Variants in SEMA6D observed in about 807,000 individuals in gnomAD.
The protein encoded by SEMA6D is semaphorin-6D.
SEMA6D carries 35 observed loss-of-function variants against 106.6 expected under a neutral mutation model. The observed-to-expected ratio is 0.33, with a 90% confidence interval of 0.25 to 0.44. SEMA6D has a LOEUF of 0.44. Ranked by LOEUF, SEMA6D falls within the 20% of genes least tolerant of loss-of-function variation. The probability of loss-of-function intolerance (pLI) is 1.00; values close to 1 mark genes in which losing one functional copy is unlikely to be tolerated. For synonymous variants in SEMA6D, 499 were observed against 487.7 expected (o/e 1.02, Z -0.31); for missense variants, 1,185 against 1,345.9 (o/e 0.88, Z 1.87).
chr15:47,513,375 T>G (rs554549751), intron 3 of SEMA6D, among the ~76,000 whole-genome samples: 2 of 152,182 alleles, frequency 1.3e-5, no homozygotes, highest in East Asian at 1.9e-4. Flanking sequence ...CATGCAATCT[T>G]ACAGTACTAA....
chr15:47,616,326 C>T (rs924912827), intron 4 of SEMA6D, among the ~76,000 whole-genome samples: 4 of 151,932 alleles, frequency 2.6e-5, no homozygotes, highest in Non-Finnish European at 5.9e-5. Context: ...CGTGCCACCA[C>T]GCCTGGCTAA....
At chr15:47,425,765 G>A (rs1282482544) in intron 2 of SEMA6D, among the ~76,000 whole-genome samples, 1 of 151,192 alleles carries the variant, frequency 6.6e-6, no homozygotes, top group Non-Finnish European at 1.5e-5. Context: ...CCGCCTCCCA[G>A]GTTCAAGCGA....
rs190863095 is a variant in SEMA6D at position 47,314,832 on chromosome 15, C to G, written c.-238-97561C>G. Among the ~76,000 whole-genome samples the G allele has an allele frequency of 6.1e-3, 881 of 144,006 alleles. 4 individuals are homozygous for G. The highest frequency in any genetic ancestry group is 9.1e-3 in the Admixed American group (131 of 14,418). The allele number at this position is 144,006 out of a possible 152,430, so 94.5% of individuals were successfully genotyped here. On this transcript the variant is annotated intron_variant, in intron 1 of 19. Coordinates refer to the SEMA6D transcript ENST00000558014. The stretch of plus-strand genomic sequence containing the variant: ...GTATCTAAACAGTCATCATCAAACC[C>G]AAATCATCTAGGTTTTCTTTTTTTT...
intron 4 of SEMA6D, among the ~76,000 whole-genome samples, chr15:47,615,150 C>A (rs187802317): frequency 8.4e-4 from 128 of 151,942 alleles, no homozygotes; most frequent in African/African-American, 2.9e-3. Context: ...CGACCAACCA[C>A]AGGTCAAAAA....
intron 1 of SEMA6D, among the ~76,000 whole-genome samples, chr15:47,227,486 CTT>C (rs1181202504): frequency 8.5e-5 from 4 of 47,222 alleles, no homozygotes; most frequent in East Asian, 5.5e-4. Context: ...CTTTCTTTTT[CTT>C]TCTTTCTTTT....
intron 1 of SEMA6D, among the ~76,000 whole-genome samples, chr15:47,392,883 A>G (rs1025144): frequency 0.49 from 74,425 of 152,040 alleles, 21,185 homozygotes; most frequent in African/African-American, 0.8. Flanking sequence ...GCCATTGGCC[A>G]TTCAGATAGC....
intron 4 of SEMA6D, among the ~76,000 whole-genome samples, chr15:47,704,718 C>CAA (rs34821323): frequency 1.9e-4 from 28 of 149,426 alleles, no homozygotes; most frequent in Non-Finnish European, 2.8e-4. Flanking sequence ...GACCCTGTCT[C>CAA]AAAAAAAAAA....
chr15:47,446,069 C>T (rs2042018685), intron 2 of SEMA6D, among the ~76,000 whole-genome samples: 1 of 152,170 alleles, frequency 6.6e-6, no homozygotes, highest in African/African-American at 2.4e-5. Context: ...TGACAGTTTT[C>T]ATCCCTGCAT....
intron 1 of SEMA6D, among the ~76,000 whole-genome samples, chr15:47,731,226 T>C (rs1395959800): frequency 1.3e-5 from 2 of 152,176 alleles, no homozygotes; most frequent in African/African-American, 2.4e-5. Flanking sequence ...TTAGCAGTAA[T>C]TGCACCTCAT....
intron 1 of SEMA6D, among the ~76,000 whole-genome samples, chr15:47,381,431 G>A (rs2039638483): frequency 6.6e-6 from 1 of 152,146 alleles, no homozygotes; most frequent in Admixed American, 6.5e-5. Context: ...ATCAGTCTCT[G>A]GAGTGACGCC....
intron 3 of SEMA6D, among the ~76,000 whole-genome samples, chr15:47,584,279 C>G (rs1470745367): frequency 6.6e-6 from 1 of 152,100 alleles, no homozygotes; most frequent in Non-Finnish European, 1.5e-5. Context: ...AAAAATTAGC[C>G]AGGCATGGTG....
chr15:47,270,735 C>T (rs781655877), intron 1 of SEMA6D, among the ~76,000 whole-genome samples: 3 of 151,926 alleles, frequency 2.0e-5, no homozygotes, highest in Non-Finnish European at 4.4e-5. Context: ...GGTTCACACC[C>T]GTAATCCTAG....
intron 3 of SEMA6D, among the ~76,000 whole-genome samples, chr15:47,508,143 C>A (rs1308046772): frequency 6.6e-6 from 1 of 152,154 alleles, no homozygotes; most frequent in Non-Finnish European, 1.5e-5. Context: ...CGCCTCAGGA[C>A]CAAGTCAGAT....
chr15:47,186,482 A>G (rs71467615), intron 1 of SEMA6D, among the ~76,000 whole-genome samples: 2,626 of 152,014 alleles, frequency 0.017, 37 homozygotes, highest in Non-Finnish European at 0.024. Flanking sequence ...TCTCTCTTTT[A>G]TCATAATGTT....
At chr15:47,186,049 G>C (rs1435733553) in intron 1 of SEMA6D, among the ~76,000 whole-genome samples, 1 of 151,990 alleles carries the variant, frequency 6.6e-6, no homozygotes, top group Non-Finnish European at 1.5e-5. Context: ...GTATATATAT[G>C]TGTATATATG....
intron 4 of SEMA6D, among the ~76,000 whole-genome samples, chr15:47,620,264 G>T (rs1456598883): frequency 6.6e-6 from 1 of 152,138 alleles, no homozygotes; most frequent in Admixed American, 6.5e-5. Context: ...TTTTTAAATG[G>T]ATATGTCCAT....
chr15:47,501,877 G>A (rs1656603), intron 3 of SEMA6D, among the ~76,000 whole-genome samples: 1 of 83,852 alleles, frequency 1.2e-5, no homozygotes, highest in Non-Finnish European at 2.7e-5. Context: ...GTTTTGTTTT[G>A]TTTTACTATA....
chr15:47,708,914 A>G (rs2078964189), intron 4 of SEMA6D, among the ~76,000 whole-genome samples: 1 of 152,134 alleles, frequency 6.6e-6, no homozygotes, highest in South Asian at 2.1e-4. Flanking sequence ...CAAAAGGAGC[A>G]CCCCTACCAC....
intron 4 of SEMA6D, among the ~76,000 whole-genome samples, chr15:47,615,204 G>A (rs373156757): frequency 6.6e-6 from 1 of 152,092 alleles, no homozygotes; most frequent in South Asian, 2.1e-4. Context: ...AATAAAAAAT[G>A]CAAATAAAAA....
Sources: gnomAD v4.1 joint callset for allele counts (sites outside exome capture counted in the v4.1 genomes callset) on GRCh38, gnomAD v4.1.1 for gene constraint, MANE v1.5 for transcripts, NCBI Gene and HGNC (gene_info 2026-07-23, HGNC 2026-07-21) for gene names.